EBF2: variants seen among roughly 807,000 people sequenced by gnomAD.
EBF2 encodes the protein transcription factor COE2.
In EBF2, 21 loss-of-function variants were observed where a neutral mutation model predicts 72.8. That is an observed-to-expected ratio of 0.29 (90% CI 0.20 to 0.42). EBF2 has a LOEUF of 0.42. Ranked by LOEUF, EBF2 falls within the 10% of genes least tolerant of loss-of-function variation. The pLI is 1.00. For synonymous variants in EBF2, 299 were observed against 274.2 expected, an observed-to-expected ratio of 1.09 and a Z score of -0.89; for missense variants, 637 against 731.2, an observed-to-expected ratio of 0.87 and a Z score of 1.49.
chr8:25,908,439 C>A, intron 7 of EBF2, 35 bp downstream of exon 7: 2 of 1,483,816 alleles, frequency 1.3e-6, no homozygotes, highest in Non-Finnish European at 1.9e-6. Flanking sequence ...AACAGGATGA[C>A]TTATTTAACA....
At chr8:25,881,210 G>A (rs543112656) in intron 10 of EBF2, among the ~76,000 whole-genome samples, 4 of 152,254 alleles carry the variant, frequency 2.6e-5, no homozygotes, top group African/African-American at 9.6e-5. Flanking sequence ...TATTCCCAAA[G>A]CTTCCCATGG....
intron 2 of EBF2, chr8:26,041,226 G>A: frequency 1.7e-6 from 1 of 593,114 alleles, no homozygotes; most frequent in East Asian, 2.8e-5. Context: ...CCAGCCCTCT[G>A]TCTCCCTTAA....
chr8:25,918,763 A>C (rs1803265059), intron 6 of EBF2, among the ~76,000 whole-genome samples: 1 of 152,218 alleles, frequency 6.6e-6, no homozygotes, highest in Non-Finnish European at 1.5e-5. Context: ...AACAATCAAA[A>C]AAAAATCATA....
chr8:25,857,955 C>T lies in EBF2; in HGVS notation c.1528+364G>A, dbSNP rs142572396. ...TATAACATGAAGAAAAAGTTCTTAT[C>T]GAAAAGTTCTTATGGAGATTAAATA... is the stretch of plus-strand genomic sequence containing the variant. On this transcript the variant is annotated intron_variant, in intron 14 of 15. Coordinates refer to ENST00000520164, the MANE Select transcript of EBF2 (RefSeq NM_022659.4). 425 of 366,988 alleles carry T rather than the reference C, an allele frequency of 1.2e-3. 2 individuals carry two copies. Among genetic ancestry groups the T allele is most frequent in the African/African-American group, 6.8e-3 (325 of 47,474 alleles). 22.7% of individuals were successfully genotyped at this position (366,988 alleles called of 1,614,324 possible). A position where few individuals can be genotyped will look rare whatever the true frequency, so the allele number is the denominator to read the frequency against.
intron 10 of EBF2, among the ~76,000 whole-genome samples, chr8:25,878,677 G>A (rs1029391114): frequency 6.6e-6 from 1 of 152,164 alleles, no homozygotes; most frequent in Non-Finnish European, 1.5e-5. Context: ...CCAGACTCCT[G>A]AGCCATCCTT....
intron 6 of EBF2, among the ~76,000 whole-genome samples, chr8:25,961,493 G>T (rs1005168782): frequency 2.0e-5 from 3 of 152,138 alleles, no homozygotes; most frequent in African/African-American, 7.2e-5. Context: ...CTCCTGAGTA[G>T]GTGGGACTAC....
chr8:26,028,289 T>C (rs1444949777), intron 6 of EBF2, among the ~76,000 whole-genome samples: 1 of 152,130 alleles, frequency 6.6e-6, no homozygotes, highest in Admixed American at 6.6e-5. Flanking sequence ...CAAAAACACA[T>C]CAACACTTAA....
chr8:25,878,961 C>T (rs918513193), intron 10 of EBF2, among the ~76,000 whole-genome samples: 5 of 152,172 alleles, frequency 3.3e-5, no homozygotes, highest in East Asian at 3.9e-4. Flanking sequence ...AGTATTTAAA[C>T]GTGTGATGCT....
rs202200790 is a variant in EBF2, at chr8:25,859,721, C to CTT, written c.1343-1219_1343-1218dup. Among the ~76,000 whole-genome samples, 19 of 142,924 alleles carry CTT rather than the reference C, an allele frequency of 1.3e-4. 1 individual carries two copies. The highest frequency in any genetic ancestry group is 4.4e-4 in the African/African-American group (17 of 38,278). The allele number at this position is 142,924 out of a possible 152,430, so 93.8% of individuals were successfully genotyped here. ...AAAATAATAATATGTCCTGTCTAGT[C>CTT]TTTTTTTTTTTTTGAGACAAGATCT... On this transcript the variant is annotated intron_variant, in intron 13 of 15. Coordinates refer to ENST00000520164, the MANE Select transcript of EBF2 (RefSeq NM_022659.4).
chr8:26,017,921 T>C (rs1805138265), intron 6 of EBF2, among the ~76,000 whole-genome samples: 1 of 152,108 alleles, frequency 6.6e-6, no homozygotes, highest in Non-Finnish European at 1.5e-5. Context: ...CGTATCAGGT[T>C]AATGCATGCA....
At chr8:25,896,983 C>A (rs1802871996) in intron 7 of EBF2, among the ~76,000 whole-genome samples, 1 of 152,160 alleles carries the variant, frequency 6.6e-6, no homozygotes, top group Non-Finnish European at 1.5e-5. Flanking sequence ...AACACCTACC[C>A]CACAAGCATG....
chr8:25,982,860 C>T (rs1804384377), intron 6 of EBF2, among the ~76,000 whole-genome samples: 2 of 151,854 alleles, frequency 1.3e-5, no homozygotes, highest in Admixed American at 1.3e-4. Flanking sequence ...TATTTTGTAA[C>T]ATATGTAAAC....
At chr8:26,002,856 GGGC>G (rs1563204614) in intron 6 of EBF2, among the ~76,000 whole-genome samples, 3 of 96,102 alleles carry the variant, frequency 3.1e-5, no homozygotes, top group Admixed American at 1.0e-4. Context: ...GCAGGCAGGC[GGGC>G]AGGCGGGCAG....
intron 14 of EBF2, among the ~76,000 whole-genome samples, chr8:25,853,076 C>T (rs1443500857): frequency 2.0e-5 from 3 of 152,100 alleles, no homozygotes; most frequent in Non-Finnish European, 4.4e-5. Context: ...GAAAAATACA[C>T]TAACCATTTG....
chr8:25,926,492 G>A (rs1019577352), intron 6 of EBF2, among the ~76,000 whole-genome samples: 3 of 152,158 alleles, frequency 2.0e-5, no homozygotes, highest in Admixed American at 1.3e-4. Flanking sequence ...TCTGTGAGCT[G>A]GACATCGGTT....
intron 15 of EBF2, among the ~76,000 whole-genome samples, chr8:25,848,552 G>A (rs948274355): frequency 1.3e-5 from 2 of 152,162 alleles, no homozygotes; most frequent in African/African-American, 4.8e-5. Flanking sequence ...GACAGGCCCT[G>A]GGAGTCTGTA....
At chr8:25,882,895 C>T (rs11781208) in intron 10 of EBF2, among the ~76,000 whole-genome samples, 82,908 of 152,122 alleles carry the variant, frequency 0.55, 25,412 homozygotes, top group African/African-American at 0.83. Flanking sequence ...TCAATAAATA[C>T]ACACGTCATG....
At chr8:25,871,709 T>C (rs1802442288) in intron 10 of EBF2, among the ~76,000 whole-genome samples, 1 of 152,198 alleles carries the variant, frequency 6.6e-6, no homozygotes, top group Non-Finnish European at 1.5e-5. Context: ...ACATTTCAAC[T>C]GCCACAGAAT....
chr8:25,908,705 C>T (rs543991039), intron 6 of EBF2, 150 bp from the exon 7 acceptor site: 1 of 618,126 alleles, frequency 1.6e-6, no homozygotes, highest in East Asian at 2.7e-5. Context: ...CACTGCTGAC[C>T]CTCTGCAATT....
Sources: allele counts gnomAD v4.1 joint callset (sites outside exome capture counted in the v4.1 genomes callset), GRCh38; gene constraint gnomAD v4.1.1; transcripts MANE v1.5; gene names NCBI Gene and HGNC (gene_info 2026-07-23, HGNC 2026-07-21).